CA6: variants seen among roughly 807,000 people sequenced by gnomAD.
CA6 encodes the protein carbonic anhydrase 6.
Under a neutral mutation model 35.9 loss-of-function variants are expected in CA6, and 28 were observed. That is an observed-to-expected ratio of 0.78 (90% CI 0.58 to 1.07). CA6 has a LOEUF of 1.07. CA6 is among the 50% of genes least tolerant of loss of function. CA6 has a pLI of 0.00. For missense variants in CA6, 377 were observed against 382.0 expected, an observed-to-expected ratio of 0.99 and a Z score of 0.11; for synonymous variants, 148 against 152.6, an observed-to-expected ratio of 0.97 and a Z score of 0.22.
chr1:8,966,593 C>T (rs948671250), intron 5 of CA6, among the ~76,000 whole-genome samples: 4 of 152,184 alleles, frequency 2.6e-5, no homozygotes, highest in Non-Finnish European at 5.9e-5. Flanking sequence ...CTTTTGCCTA[C>T]TCATGGGCTT....
At chr1:8,965,361 T>C (rs1278442210) in intron 5 of CA6, among the ~76,000 whole-genome samples, 2 of 152,160 alleles carry the variant, frequency 1.3e-5, no homozygotes, top group Admixed American at 6.6e-5. Flanking sequence ...CCGGAACTTT[T>C]TTTCGTCTTC....
At chr1:8,946,586 T>C (rs982696729) in intron 1 of CA6, among the ~76,000 whole-genome samples, 1 of 152,228 alleles carries the variant, frequency 6.6e-6, no homozygotes, top group Middle Eastern at 3.4e-3. Context: ...GCACACTCAC[T>C]GCTTCTATTT....
intron 6 of CA6, among the ~76,000 whole-genome samples, chr1:8,970,547 C>T (rs1640082184): frequency 6.6e-6 from 1 of 151,952 alleles, no homozygotes; most frequent in Admixed American, 6.6e-5. Context: ...TTCTCTCTGT[C>T]TCCCAGGCTG....
chr1:8,967,962 C>CTTT, intron 6 of CA6, 146 bp downstream of exon 6: 2 of 456,790 alleles, frequency 4.4e-6, no homozygotes, highest in Non-Finnish European at 7.1e-6. Flanking sequence ...GTCTAGCCAA[C>CTTT]CTTTTTTTTT....
At chr1:8,951,748 G>A in intron 2 of CA6, 1 of 734,276 alleles carries the variant, frequency 1.4e-6, no homozygotes. Flanking sequence ...TTCCTTTGGG[G>A]TTCTCACCTC....
rs1640230606 is a variant in CA6 at position 8,974,971 on chromosome 1, T to G, written c.*267T>G. On this transcript the variant is annotated 3_prime_UTR_variant, in exon 8 of 8. Coordinates refer to ENST00000377443, the MANE Select transcript of CA6 (RefSeq NM_001215.4). Reference sequence around the variant, plus strand: ...GATTGGAATAGAAACTTAAAGGAAATGGAACCCTAACTATTCTCCCATCAA... The same window carrying G: ...GATTGGAATAGAAACTTAAAGGAAAGGGAACCCTAACTATTCTCCCATCAA... The G allele has an allele frequency of 6.3e-6, 2 of 315,838 alleles. No homozygotes were observed. Among genetic ancestry groups the G allele is most frequent in the East Asian group, 1.4e-4 (2 of 14,644 alleles). The allele number at this position is 315,838 out of a possible 1,614,324, so 19.6% of individuals were successfully genotyped here.
rs146732760 is a variant in CA6, at chr1:8,963,539, A to G, written c.571+883A>G. Among the ~76,000 whole-genome samples, 7 of 152,066 alleles carry G rather than the reference A, an allele frequency of 4.6e-5. No individual in the cohort carries two copies. The highest frequency in any genetic ancestry group is 4.6e-4 in the Admixed American group (7 of 15,262). ...AGAAATCCATAGACATCTAACTGGT[A>G]TTATTATCGTTATTATTTTTGAGAC... On this transcript the variant is annotated intron_variant, in intron 5 of 7. Transcript: ENST00000377443. The surrounding 1 kb of genome is among the most constrained non-coding windows in gnomAD (Gnocchi z 4.1).
At chr1:8,957,332 T>A (rs1263905223) in intron 3 of CA6, 47 bp downstream of exon 3, 2 of 1,532,116 alleles carry the variant, frequency 1.3e-6, no homozygotes, top group East Asian at 4.6e-5. Context: ...AACCCCATAG[T>A]CACTTTTCTT....
chr1:8,967,816 G>A lies in CA6; in HGVS notation c.729G>A (p.Gln243=). ...LADFVKLSRT[Q]VWKLENSLLD... ...ATTTTGTCAAGCTCTCCAGGACACA[G>A]GTAATGTATGGTATCACTTTGCCGA... The change falls in exon 6 of 8, where the codon CAG becomes CAA. Residue 243 remains glutamine, a splice_region_variant and synonymous_variant. Transcript: ENST00000377443. The A allele has an allele frequency of 6.2e-7, 1 of 1,613,554 alleles. No individual in the cohort carries two copies. Among genetic ancestry groups the A allele is most frequent in the South Asian group, 1.1e-5 (1 of 91,004 alleles).
intron 6 of CA6, among the ~76,000 whole-genome samples, chr1:8,969,195 A>G (rs964037727): frequency 1.3e-5 from 2 of 151,870 alleles, no homozygotes; most frequent in African/African-American, 2.4e-5. Context: ...TGAACCTATA[A>G]TCCCAGCCAC....
intron 3 of CA6, among the ~76,000 whole-genome samples, 166 bp from the exon 4 acceptor site, chr1:8,958,744 T>C (rs1300200566): frequency 1.3e-5 from 2 of 152,178 alleles, no homozygotes; most frequent in Non-Finnish European, 2.9e-5. Context: ...TCTTGATAGA[T>C]AGGAATTGCA....
chr1:8,956,620 T>C (rs1639690892), intron 2 of CA6, among the ~76,000 whole-genome samples: 1 of 151,206 alleles, frequency 6.6e-6, no homozygotes, highest in Non-Finnish European at 1.5e-5. Context: ...CTGCAGCAAG[T>C]CATCGTGGTG....
At chr1:8,965,206 T>C (rs1314818586) in intron 5 of CA6, among the ~76,000 whole-genome samples, 1 of 152,168 alleles carries the variant, frequency 6.6e-6, no homozygotes, top group Non-Finnish European at 1.5e-5. Flanking sequence ...ATTGTGTCGC[T>C]GCACTCCAGC....
intron 1 of CA6, among the ~76,000 whole-genome samples, chr1:8,946,624 G>C (rs539830199): frequency 2.0e-5 from 3 of 152,098 alleles, no homozygotes; most frequent in Admixed American, 2.0e-4. Flanking sequence ...GTTGGTCCGT[G>C]TAAGTGGAAA....
chr1:8,954,512 C>T (rs771231748), intron 2 of CA6, among the ~76,000 whole-genome samples: 4 of 152,070 alleles, frequency 2.6e-5, no homozygotes, highest in Non-Finnish European at 4.4e-5. Context: ...ATTCTGTGGA[C>T]TCACCCCAAA....
chr1:8,963,913 A>T lies in CA6; in HGVS notation c.571+1257A>T, dbSNP rs997052526. 6.6e-6 allele frequency among the ~76,000 whole-genome samples: 1 copy of T among 152,112 alleles called. No individual in the cohort carries two copies. The highest frequency in any genetic ancestry group is 2.4e-5 in the African/African-American group (1 of 41,414). On this transcript the variant is annotated intron_variant, in intron 5 of 7. Transcript: ENST00000377443. This position sits in a 1 kb window ranked among gnomAD's most constrained non-coding sequence, Gnocchi z 4.1. ...GAAATCCTAAAGTATCACGCTGGGC[A>T]TTTTCTTTCTGACCTCCCAAATTCC... is the stretch of plus-strand genomic sequence containing the variant.
intron 2 of CA6, among the ~76,000 whole-genome samples, chr1:8,955,065 G>A (rs1161511682): frequency 1.6e-5 from 1 of 61,440 alleles, no homozygotes; most frequent in Non-Finnish European, 4.4e-5. Context: ...ATATTGCCCA[G>A]GTGCCGGCAC....
chr1:8,972,918 T>C (rs1640146369), intron 7 of CA6, among the ~76,000 whole-genome samples: 2 of 152,158 alleles, frequency 1.3e-5, no homozygotes, highest in East Asian at 1.9e-4. Flanking sequence ...TATTATACCA[T>C]ATACAACATT....
chr1:8,945,921 T>C lies in CA6; in HGVS notation c.35T>C (p.Leu12Pro), dbSNP rs1272336012. Residue 12 changes from leucine to proline, a missense_variant, in exon 1 of 8, where the codon CTG (leucine) becomes CCG (proline). Transcript: ENST00000377443. The stretch of plus-strand genomic sequence containing the variant: ...CTGGTGCTTCTGCTGTCCCTGTTCC[T>C]GCTGGGTGGCCAGGCCCAGCATGTG... Reference protein sequence around the residue: ...RALVLLLSLFLLGGQAQHVSD... With the variant: ...RALVLLLSLFPLGGQAQHVSD... 3 of 1,614,000 alleles carry C rather than the reference T, an allele frequency of 1.9e-6. No individual in the cohort carries two copies. Among genetic ancestry groups the C allele is most frequent in the East Asian group, 4.5e-5 (2 of 44,880 alleles).
Sources: allele counts gnomAD v4.1 joint callset (sites outside exome capture counted in the v4.1 genomes callset), GRCh38; gene constraint gnomAD v4.1.1; non-coding constraint Gnocchi (gnomAD v3.1); transcripts MANE v1.5; gene names NCBI Gene and HGNC (gene_info 2026-07-23, HGNC 2026-07-21).